The following TTC19 variants were observed in gnomAD, a reference collection of about 807,000 sequenced individuals.
TTC19 encodes tetratricopeptide repeat domain 19.
TTC19 carries 38 observed loss-of-function variants against 49.5 expected under a neutral mutation model. The ratio of observed to expected loss-of-function variants is 0.77; its 90% confidence interval spans 0.59 to 1.01. The LOEUF (loss-of-function observed/expected upper bound fraction) is 1.01, where lower values mean the gene tolerates loss of function less well. TTC19 is among the 50% of genes least tolerant of loss of function. The probability of loss-of-function intolerance (pLI) is 0.00; values close to 1 mark genes in which losing one functional copy is unlikely to be tolerated. For synonymous variants in TTC19, 204 were observed against 185.2 expected, an observed-to-expected ratio of 1.10 and a Z score of -0.83; for missense variants, 475 against 477.7, an observed-to-expected ratio of 0.99 and a Z score of 0.05.
At chr17:16,044,684 A>C in exon 3 of TTC19, 1 of 675,094 alleles carries the variant, frequency 1.5e-6, no homozygotes, top group South Asian at 1.4e-5. Flanking sequence ...CAATGAGGTG[A>C]CCATCACGGA....
At chr17:16,000,537 A>G (rs2151641784) in intron 2 of TTC19, 1 of 691,978 alleles carries the variant, frequency 1.4e-6, no homozygotes, top group Non-Finnish European at 2.0e-6. Context: ...TAGTGGTTTT[A>G]TCAATTAACC....
At chr17:16,004,022 A>G in intron 5 of TTC19, 135 bp downstream of exon 5, 3 of 1,157,554 alleles carry the variant, frequency 2.6e-6, no homozygotes, top group South Asian at 2.5e-5. Flanking sequence ...TCTCTATACA[A>G]ATTGCCATTC....
chr17:16,031,754 A>C (rs1054628077), downstream of TTC19: 7 of 230,126 alleles, frequency 3.0e-5, no homozygotes, highest in African/African-American at 1.5e-4. Context: ...GGAAAGCTGA[A>C]TTTAGAGGAA....
intron 7 of TTC19, among the ~76,000 whole-genome samples, chr17:16,010,716 C>T (rs746523941): frequency 1.1e-4 from 17 of 152,288 alleles, no homozygotes; most frequent in South Asian, 2.1e-4. Flanking sequence ...TCATGATCCG[C>T]CTGCCTTTGC....
At chr17:16,002,413 G>T (rs1474227854) in intron 3 of TTC19, among the ~76,000 whole-genome samples, 1 of 152,092 alleles carries the variant, frequency 6.6e-6, no homozygotes, top group Admixed American at 6.6e-5. Context: ...CTGATCTCAG[G>T]TGATCCACCT....
rs755639776 is a variant in TTC19 at position 16,027,496 on chromosome 17, C to A, written c.1117C>A (p.Pro373Thr). 4 of 1,613,956 alleles carry A rather than the reference C, an allele frequency of 2.5e-6. No homozygotes were observed. Among genetic ancestry groups the A allele is most frequent in the South Asian group, 2.2e-5 (2 of 91,066 alleles). ...GGCTGAGCTGTCAAAGAAAAGTAGACCTTTGACAAATTCTGTCAAGCTCTA... is the reference window on the plus strand; with the variant it reads ...GGCTGAGCTGTCAAAGAAAAGTAGAACTTTGACAAATTCTGTCAAGCTCTA... Reference protein sequence around the residue: ...ELAELSKKSRPLTNSVKL With the variant: ...ELAELSKKSRTLTNSVKL Residue 373 changes from proline to threonine, a missense_variant, in exon 10 of 10, where the codon CCT becomes ACT. By Grantham distance (38) the Pro-to-Thr change is conservative (BLOSUM62 -1). Coordinates refer to ENST00000261647, the MANE Select transcript of TTC19 (RefSeq NM_017775.4).
chr17:16,023,817 T>G (rs1971458247), intron 7 of TTC19: 2 of 152,222 alleles, frequency 1.3e-5, no homozygotes, highest in East Asian at 1.9e-4. Context: ...TGGGAAGGTA[T>G]TAAAAAAGAA....
rs769438082 is a variant in TTC19, at chr17:16,025,011, C to T, written c.677-6C>T. On this transcript the variant is annotated splice_polypyrimidine_tract_variant and splice_region_variant and intron_variant, in intron 7 of 9. Transcript: ENST00000261647. ...GTAGATTTGCTGATTCCTCTTTTCT[C>T]CTTAGTGGAAGAGAAAGCCAATACC... is the stretch of plus-strand genomic sequence containing the variant. The T allele has an allele frequency of 1.2e-5, 20 of 1,613,854 alleles. No homozygotes were observed. The East Asian group carries it at 4.2e-4, about 34-fold the overall frequency.
At chr17:16,040,542 A>G (rs374687282) in intron 2 of TTC19, 6 of 1,508,164 alleles carry the variant, frequency 4.0e-6, no homozygotes, top group Non-Finnish European at 5.5e-6. Flanking sequence ...ATAATCATAT[A>G]TACCAAACTA....
At chr17:16,020,293 A>G (rs950919327) in intron 7 of TTC19, among the ~76,000 whole-genome samples, 4 of 152,154 alleles carry the variant, frequency 2.6e-5, no homozygotes, top group Admixed American at 6.5e-5. Flanking sequence ...TACTGTATTT[A>G]TCGGTTATTC....
intron 4 of TTC19, 152 bp downstream of exon 4, chr17:16,002,983 T>A: frequency 2.5e-6 from 2 of 801,498 alleles, no homozygotes. Flanking sequence ...TTTATTGTGT[T>A]AGTCCAGAGA....
chr17:16,007,221 T>C (rs879865654), intron 7 of TTC19, among the ~76,000 whole-genome samples: 2 of 152,208 alleles, frequency 1.3e-5, no homozygotes, highest in African/African-American at 2.4e-5. Context: ...CCATGGGGAA[T>C]ATGTTCCAAG....
In TTC19 at chr17:16,003,853, C is replaced by T. The variant is rs891555708; in HGVS notation, c.485C>T (p.Thr162Ile). Residue 162 changes from threonine (T) to isoleucine (I), a missense_variant, in exon 5 of 10, where the codon ACA becomes ATA. Physicochemically the swap from Thr to Ile is moderately conservative, Grantham distance 89 (BLOSUM62 -1). Transcript: ENST00000261647. ...LENAEQLFKA[T>I]MSYLLGGGMK... ...TAGGCTGAACAACTTTTTAAAGCAA[C>T]AATGAGTTACCTCCTTGGAGGGGGC... 6 of 1,613,774 alleles carry T rather than the reference C, an allele frequency of 3.7e-6. No homozygotes were observed. In the African/African-American group the frequency reaches 6.7e-5, roughly 18 times the overall value.
chr17:16,018,766 CCAAAATGCTGGCATTACAGGCATG>C (rs1461834677), intron 7 of TTC19, among the ~76,000 whole-genome samples: 1 of 152,172 alleles, frequency 6.6e-6, no homozygotes, highest in South Asian at 2.1e-4. Context: ...CCTTGACCTC[CCAAAATGCTGGCATTACAGGCATG>C]AGGCATCACG....
At chr17:16,022,447 A>T (rs1971415277) in intron 7 of TTC19, among the ~76,000 whole-genome samples, 1 of 152,184 alleles carries the variant, frequency 6.6e-6, no homozygotes, top group Admixed American at 6.5e-5. Flanking sequence ...TTAACAAGAG[A>T]TTTAGTTTAG....
At chr17:16,032,528 G>A (rs202067625), downstream of TTC19, 151 of 1,507,814 alleles carry the variant, frequency 1.0e-4, 1 homozygote, top group African/African-American at 1.4e-3. Context: ...AACATAACTG[G>A]TATTTCATCC....
At chr17:16,044,404 A>C (rs1051198777) in intron 2 of TTC19, 1 of 471,264 alleles carries the variant, frequency 2.1e-6, no homozygotes, top group African/African-American at 2.0e-5. Context: ...TCCACCAGGC[A>C]GTTCACAGTG....
At position 16,028,287 on chromosome 17, in the gene TTC19, C is replaced by CTT. The variant is rs1339315010; in HGVS notation, c.*767_*768dup. ...ACACAACTGAGTCATCTCAAGTACT[C>CTT]TTTAAGGACACACAGCCCAGGCTGT... On this transcript the variant is annotated 3_prime_UTR_variant, in exon 10 of 10. Transcript: ENST00000261647. 2 of 454,004 alleles carry CTT rather than the reference C, an allele frequency of 4.4e-6. No individual in the cohort carries two copies. Among genetic ancestry groups the CTT allele is most frequent in the African/African-American group, 2.0e-5 (1 of 50,010 alleles). The allele number at this position is 454,004 out of a possible 1,614,324, so 28.1% of individuals were successfully genotyped here.
rs751188195 is a variant in TTC19, at chr17:16,000,210, G to A, written c.277G>A (p.Glu93Lys). 1 of 1,594,880 alleles carries A rather than the reference G, an allele frequency of 6.3e-7. No homozygotes were observed. The change falls in exon 2 of 10, where the codon GAG (glutamate) becomes AAG (lysine). Residue 93 changes from glutamate (E) to lysine (K), a missense_variant. Glu to Lys is a moderately conservative substitution (Grantham distance 56). Coordinates refer to ENST00000261647, the MANE Select transcript of TTC19 (RefSeq NM_017775.4). ...AAAEDGADEA[E>K]AEIIQLLKRA... ...TGCCGAGGACGGGGCGGACGAGGCC[G>A]AGGCAGAGATCATCCAGCTGCTGAA...
Sources: gnomAD v4.1 joint callset for allele counts (sites outside exome capture counted in the v4.1 genomes callset) on GRCh38, gnomAD v4.1.1 for gene constraint, MANE v1.5 for transcripts, NCBI Gene and HGNC (gene_info 2026-07-23, HGNC 2026-07-21) for gene names.